Variants in OR6P1 observed in about 807,000 individuals in gnomAD.
OR6P1 encodes olfactory receptor family 6 subfamily P member 1, also known as olfactory receptor 6P1.
In OR6P1, 5 loss-of-function variants were observed where a neutral mutation model predicts 6.6. The observed-to-expected ratio is 0.76, with a 90% CI of 0.40 to 1.60. OR6P1 has a LOEUF of 1.60. Among genes scored for constraint, OR6P1 ranks in the 40% most tolerant of loss-of-function variants. OR6P1 has a pLI of 0.02. For missense variants in OR6P1, 451 were observed against 383.0 expected, an observed-to-expected ratio of 1.18 and a Z score of -1.48; for synonymous variants, 177 against 149.6, an observed-to-expected ratio of 1.18 and a Z score of -1.33.
At chr1:158,564,375 A>G (rs1203307172) in intron 2 of OR6P1, among the ~76,000 whole-genome samples, 1 of 152,172 alleles carries the variant, frequency 6.6e-6, no homozygotes, top group Non-Finnish European at 1.5e-5. Context: ...TGCAAATGTG[A>G]TTAAATTAAG....
In OR6P1 at chr1:158,563,535, G is replaced by A; in HGVS notation, c.70C>T (p.Gln24Ter). The A allele has an allele frequency of 1.3e-6, 2 of 1,551,276 alleles. No individual in the cohort carries two copies. Among genetic ancestry groups the A allele is most frequent in the Non-Finnish European group, 1.7e-6 (2 of 1,146,870 alleles). Residue 24 changes from glutamine (Q) to a stop codon, truncating the protein, a stop_gained, in exon 3 of 3, where the codon CAG (glutamine) becomes TAG (stop). Transcript: ENST00000641540. LOFTEE classifies it low-confidence loss of function (END_TRUNC). ...LVGFPTTPPL[Q>*]LLLFVLFFAI... ...AAAAAAAGGACAAAGAGGAGCAGCTGGAGGGGAGGCGTGGTAGGGAAACCC... is the reference window on the plus strand; with the variant it reads ...AAAAAAAGGACAAAGAGGAGCAGCTAGAGGGGAGGCGTGGTAGGGAAACCC...
chr1:158,567,648 T>A (rs1375438677), intron 1 of OR6P1, among the ~76,000 whole-genome samples: 1 of 93,466 alleles, frequency 1.1e-5, no homozygotes, highest in Non-Finnish European at 2.2e-5. Flanking sequence ...CTGTTGTGGG[T>A]TGGGGGAGGG....
Position 158,563,422 on chromosome 1 carries a change from A to C in OR6P1, c.183T>G (p.Phe61Leu), listed in dbSNP as rs928494828. The change falls in exon 3 of 3, where the codon TTT becomes TTG. Residue 61 changes from phenylalanine (F) to leucine (L), a missense_variant. Transcript: ENST00000641540. ...LAPSLHRPMY[F>L]FLGHLSFLEL... ...CCAGGAAAGAGAGATGGCCAAGGAA[A>C]AAGTACATGGGACGATGAAGGCTTG... 4 of 1,551,272 alleles carry C rather than the reference A, an allele frequency of 2.6e-6. No homozygotes were observed. In the East Asian group the frequency reaches 9.8e-5, roughly 38 times the overall value.
rs145244751 is a variant in OR6P1, at chr1:158,564,137, C to G, written c.-22-511G>C. ...TATGAAGATTGCTCTGAAAAATATT[C>G]ATTTCCAAATAGAGAGACAATTCAA... On this transcript the variant is annotated intron_variant, in intron 2 of 2. Transcript: ENST00000641540. Among the ~76,000 whole-genome samples, 716 of 152,304 alleles carry G rather than the reference C, an allele frequency of 4.7e-3. 7 individuals carry two copies. The highest frequency in any genetic ancestry group is 0.016 in the African/African-American group (671 of 41,564).
Position 158,563,702 on chromosome 1 carries a change from T to C in OR6P1, c.-22-76A>G. The C allele has an allele frequency of 4.0e-6, 3 of 747,432 alleles. No homozygotes were observed. The East Asian group carries it at 8.1e-5, about 20-fold the overall frequency. The allele number at this position is 747,432 out of a possible 1,614,324, so 46.3% of individuals were successfully genotyped here. ...ACCACCAACATACTCTCACAGGTTA[T>C]AACCACTGAAGAGCTTAGTGGCATA... On this transcript the variant is annotated intron_variant, in intron 2 of 2. Transcript: ENST00000641540.
At chr1:158,569,563 C>G (rs1432216859) in intron 1 of OR6P1, among the ~76,000 whole-genome samples, 1 of 152,196 alleles carries the variant, frequency 6.6e-6, no homozygotes, top group African/African-American at 2.4e-5. Context: ...CAACTGAAGA[C>G]TGTCTGAGAT....
intron 2 of OR6P1, 45 bp from the exon 3 acceptor site, chr1:158,563,671 C>A: frequency 2.1e-6 from 2 of 946,702 alleles, no homozygotes; most frequent in Non-Finnish European, 3.2e-6. Context: ...AAGATAGCTG[C>A]AACAAACCAC....
At chr1:158,564,978 G>C (rs1293953498) in intron 2 of OR6P1, among the ~76,000 whole-genome samples, 1 of 152,160 alleles carries the variant, frequency 6.6e-6, no homozygotes, top group African/African-American at 2.4e-5. Flanking sequence ...TGTGATATAA[G>C]TACCTGTCTT....
rs115786820 is a variant in OR6P1, at chr1:158,562,815, C to A, written c.790G>T (p.Ala264Ser). ...TTGTTGTGGTTGAAGGTGTACATGG[C>A]CCGGGGCCGTGCATAGGTGAAGAGA... ...STLFTYARPR[A>S]MYTFNHNKII... The change falls in exon 3 of 3, where the codon GCC becomes TCC. Residue 264 changes from alanine to serine, a missense_variant. Physicochemically the swap from Ala to Ser is moderately conservative, Grantham distance 99 (BLOSUM62 1). Coordinates refer to ENST00000641540, the MANE Select transcript of OR6P1 (RefSeq NM_001160325.2). 4,227 of 1,552,116 alleles carry A rather than the reference C, an allele frequency of 2.7e-3. 118 individuals are homozygous for A. The African/African-American group carries it at 0.051, about 19-fold the overall frequency.
rs1417291696 is a variant in OR6P1 at position 158,563,189 on chromosome 1, C to T, written c.416G>A (p.Ser139Asn). Reference protein sequence around the residue: ...PLLYPSLMPSSLATRLAAASW... With the variant: ...PLLYPSLMPSNLATRLAAASW... ...GGCAGCAGCAAGGCGAGTGGCCAGACTGGAAGGCATGAGACTAGGGTAAAG... is the reference window on the plus strand; with the variant it reads ...GGCAGCAGCAAGGCGAGTGGCCAGATTGGAAGGCATGAGACTAGGGTAAAG... The change falls in exon 3 of 3, where the codon AGT becomes AAT. Residue 139 changes from serine (S) to asparagine (N), a missense_variant. Coordinates refer to ENST00000641540, the MANE Select transcript of OR6P1 (RefSeq NM_001160325.2). 1 of 1,551,420 alleles carries T rather than the reference C, an allele frequency of 6.4e-7. No individual in the cohort carries two copies. Among genetic ancestry groups the T allele is most frequent in the Non-Finnish European group, 8.7e-7 (1 of 1,146,934 alleles).
chr1:158,562,933 G>C lies in OR6P1; in HGVS notation c.672C>G (p.Ala224=). The change falls in exon 3 of 3, where the codon GCC becomes GCG. Residue 224 remains alanine, a synonymous_variant. Coordinates refer to ENST00000641540, the MANE Select transcript of OR6P1 (RefSeq NM_001160325.2). ...CCCTGGACGTAGGGATCCTCAGGAT[G>C]GCTGCAATGATGGCAGTGTATGATG... The part of the protein sequence containing the change: ...VVSSYTAIIA[A]ILRIPTSRGR... 2 of 1,551,830 alleles carry C rather than the reference G, an allele frequency of 1.3e-6. No homozygotes were observed. Among genetic ancestry groups the C allele is most frequent in the Non-Finnish European group, 1.7e-6 (2 of 1,147,020 alleles).
chr1:158,566,473 A>G (rs2101718005), intron 2 of OR6P1, among the ~76,000 whole-genome samples: 1 of 152,290 alleles, frequency 6.6e-6, no homozygotes. Flanking sequence ...GGAAATTCTC[A>G]AGAGACAAGG....
intron 2 of OR6P1, among the ~76,000 whole-genome samples, chr1:158,566,316 G>C (rs1648095091): frequency 6.6e-6 from 1 of 152,282 alleles, no homozygotes; most frequent in East Asian, 1.9e-4. Context: ...TTTGGAAACA[G>C]TGACTTTAAT....
rs936803549 is a variant in OR6P1 at position 158,560,902 on chromosome 1, G to T, written c.*1749C>A. 1 of 152,146 alleles carries T rather than the reference G, an allele frequency of 6.6e-6. No individual in the cohort carries two copies. Among genetic ancestry groups the T allele is most frequent in the Non-Finnish European group, 1.5e-5 (1 of 68,026 alleles). The allele number at this position is 152,146 out of a possible 1,614,324, so 9.4% of individuals were successfully genotyped here. ...CATTCATCATCCTCCCAGTCCAGAG[G>T]TCATTTGCTGCTCAGAGATAATTTG... On this transcript the variant is annotated 3_prime_UTR_variant, in exon 3 of 3. Transcript: ENST00000641540.
intron 1 of OR6P1, among the ~76,000 whole-genome samples, chr1:158,569,553 C>G (rs563884636): frequency 3.3e-5 from 5 of 152,272 alleles, no homozygotes; most frequent in African/African-American, 9.6e-5. Context: ...GGTGAATTAA[C>G]AACTGAAGAC....
Position 158,563,544 on chromosome 1 carries a change from G to T in OR6P1, c.61C>A (p.Pro21Thr). Residue 21 changes from proline (P) to threonine (T), a missense_variant, in exon 3 of 3, where the codon CCT (proline) becomes ACT (threonine). Coordinates refer to ENST00000641540, the MANE Select transcript of OR6P1 (RefSeq NM_001160325.2). The part of the protein sequence containing the change: ...EFVLVGFPTT[P>T]PLQLLLFVLF... The stretch of plus-strand genomic sequence containing the variant: ...ACAAAGAGGAGCAGCTGGAGGGGAG[G>T]CGTGGTAGGGAAACCCACCAAGACA... 3.2e-6 allele frequency: 5 copies of T among 1,542,078 alleles called. No individual in the cohort carries two copies. In the Admixed American group the frequency reaches 6.1e-5, roughly 19 times the overall value.
chr1:158,570,321 G>A (rs550283029), intron 1 of OR6P1, 121 bp downstream of exon 1: 2 of 152,168 alleles, frequency 1.3e-5, no homozygotes, highest in African/African-American at 2.4e-5. Context: ...TGAGATGTTC[G>A]AATGATTAAG....
rs1187282991 is a variant in OR6P1 at position 158,562,661 on chromosome 1, AC to A, written c.943del (p.Val315PhefsTer18). ...VMGRCHYPRD[V>X]QD ...AAGACCTGTTGTATATCAGTCCTGA[AC>A]ATCCCTAGGATAGTGACATCTGCCC... On this transcript the variant is annotated frameshift_variant, in exon 3 of 3. Coordinates refer to ENST00000641540, the MANE Select transcript of OR6P1 (RefSeq NM_001160325.2). LOFTEE classifies it high-confidence loss of function. The A allele has an allele frequency of 1.3e-6, 2 of 1,548,902 alleles. No homozygotes were observed. Among genetic ancestry groups the A allele is most frequent in the Admixed American group, 3.9e-5 (2 of 51,082 alleles).
Position 158,562,558 on chromosome 1 carries a change from T to G in OR6P1, c.*93A>C. ...AATATTTAGAGAAAATGTTGGCAAA[T>G]TATATTTATGTTCCCTTAAAGCCTA... On this transcript the variant is annotated 3_prime_UTR_variant, in exon 3 of 3. Coordinates refer to ENST00000641540, the MANE Select transcript of OR6P1 (RefSeq NM_001160325.2). The G allele has an allele frequency of 1.4e-6, 1 of 717,216 alleles. No homozygotes were observed. Among genetic ancestry groups the G allele is most frequent in the Non-Finnish European group, 2.4e-6 (1 of 420,260 alleles). The allele number at this position is 717,216 out of a possible 1,614,324, so 44.4% of individuals were successfully genotyped here. A position where few individuals can be genotyped will look rare whatever the true frequency, so the allele number is the denominator to read the frequency against.
Sources: allele counts gnomAD v4.1 joint callset (sites outside exome capture counted in the v4.1 genomes callset), GRCh38; gene constraint gnomAD v4.1.1; transcripts MANE v1.5; gene names NCBI Gene and HGNC (gene_info 2026-07-23, HGNC 2026-07-21).